GPC5: variants seen among roughly 807,000 people sequenced by gnomAD.
The protein encoded by GPC5 is glypican 5.
GPC5 carries 47 observed loss-of-function variants against 53.9 expected under a neutral mutation model. The ratio of observed to expected loss-of-function variants is 0.87; its 90% CI spans 0.69 to 1.11. GPC5 has a LOEUF of 1.11. GPC5 is among the 50% of genes most tolerant of loss of function. The pLI is 0.00. For synonymous variants in GPC5, 286 were observed against 263.3 expected, an observed-to-expected ratio of 1.09 and a Z score of -0.84; for missense variants, 748 against 713.1, an observed-to-expected ratio of 1.05 and a Z score of -0.56.
rs7322435 is a variant in GPC5, at chr13:91,445,537, C to T, written c.164-3224C>T. ...TCCCCCAGACTCGAGGGCAGTGGCA[C>T]GATCTCGGCTCACAGCAACCTTCAT... On this transcript the variant is annotated intron_variant, in intron 1 of 7. Coordinates refer to ENST00000377067, the MANE Select transcript of GPC5 (RefSeq NM_004466.6). 9.9e-3 allele frequency among the ~76,000 whole-genome samples: 1,505 copies of T among 152,310 alleles called. 28 individuals carry two copies. The highest frequency in any genetic ancestry group is 0.034 in the African/African-American group (1,393 of 41,570).
At chr13:91,868,738 A>G (rs2039111444) in intron 5 of GPC5, among the ~76,000 whole-genome samples, 1 of 152,198 alleles carries the variant, frequency 6.6e-6, no homozygotes, top group South Asian at 2.1e-4. Context: ...TTTAGCTGAA[A>G]AAGAACACAA....
intron 7 of GPC5, among the ~76,000 whole-genome samples, chr13:92,575,753 C>T (rs1248650886): frequency 1.3e-5 from 2 of 152,202 alleles, no homozygotes; most frequent in South Asian, 2.1e-4. Context: ...AGAAGTGAAC[C>T]GGTTTCAGTC....
At chr13:92,771,814 G>A (rs578219230) in intron 7 of GPC5, among the ~76,000 whole-genome samples, 1 of 152,056 alleles carries the variant, frequency 6.6e-6, no homozygotes, top group African/African-American at 2.4e-5. Flanking sequence ...TAAATTTATA[G>A]CTCCAGCTTC....
At position 91,921,515 on chromosome 13, in the gene GPC5, A is replaced by G. The variant is rs538743302; in HGVS notation, c.1401+13458A>G. ...GAAAGATGTGACAGATACAAGAAAA[A>G]CTATGCAAATGGATAGATACTATGA... is the stretch of plus-strand genomic sequence containing the variant. On this transcript the variant is annotated intron_variant, in intron 6 of 7. Transcript: ENST00000377067. Among the ~76,000 whole-genome samples the G allele has an allele frequency of 7.2e-5, 11 of 152,304 alleles. No individual in the cohort carries two copies. In the East Asian group the frequency reaches 1.9e-3, roughly 27 times the overall value.
At chr13:91,449,596 T>A (rs1881047407) in intron 2 of GPC5, among the ~76,000 whole-genome samples, 1 of 152,082 alleles carries the variant, frequency 6.6e-6, no homozygotes, top group South Asian at 2.1e-4. Context: ...ATGGTTTTCA[T>A]AAGAACACCA....
At chr13:92,177,986 C>T (rs2042120498) in intron 7 of GPC5, among the ~76,000 whole-genome samples, 1 of 152,172 alleles carries the variant, frequency 6.6e-6, no homozygotes, top group Non-Finnish European at 1.5e-5. Flanking sequence ...AAAGTTCAAA[C>T]CACCAATAAA....
chr13:92,271,572 A>G (rs10492501), intron 7 of GPC5, among the ~76,000 whole-genome samples: 6,920 of 152,310 alleles, frequency 0.045, 176 homozygotes, highest in East Asian at 0.065. Flanking sequence ...TGAAATAAAA[A>G]GAGAAAGTTA....
intron 6 of GPC5, among the ~76,000 whole-genome samples, chr13:92,126,155 G>A (rs1374066712): frequency 7.9e-5 from 12 of 151,574 alleles, no homozygotes; most frequent in East Asian, 1.9e-4. Context: ...GGGTTTTGCC[G>A]TGTTGGTCAG....
intron 7 of GPC5, among the ~76,000 whole-genome samples, chr13:92,523,460 T>C (rs559066218): frequency 2.6e-5 from 4 of 152,248 alleles, no homozygotes; most frequent in African/African-American, 4.8e-5. Flanking sequence ...TTTTAATGAA[T>C]ATTTAGAAAC....
At chr13:92,201,857 T>A (rs1199224395) in intron 7 of GPC5, among the ~76,000 whole-genome samples, 1 of 152,146 alleles carries the variant, frequency 6.6e-6, no homozygotes, top group African/African-American at 2.4e-5. Context: ...ATTGATGGAG[T>A]CTTTGATGTC....
At chr13:91,710,454 T>C (rs901077014) in intron 3 of GPC5, among the ~76,000 whole-genome samples, 1 of 152,208 alleles carries the variant, frequency 6.6e-6, no homozygotes, top group African/African-American at 2.4e-5. Flanking sequence ...TTAAGTCCTG[T>C]CAAAAATCCT....
chr13:92,395,323 ACTC>A (rs533354867), intron 7 of GPC5, among the ~76,000 whole-genome samples: 6 of 152,144 alleles, frequency 3.9e-5, no homozygotes, highest in Non-Finnish European at 8.8e-5. Flanking sequence ...AACTAATTTA[ACTC>A]CACCTTCAAA....
At chr13:92,558,085 T>C (rs1429787732) in intron 7 of GPC5, among the ~76,000 whole-genome samples, 1 of 151,844 alleles carries the variant, frequency 6.6e-6, no homozygotes, top group Non-Finnish European at 1.5e-5. Context: ...ATAAAACAGG[T>C]AACTGGAAAA....
chr13:92,293,206 G>A (rs2043009682), intron 7 of GPC5, among the ~76,000 whole-genome samples: 1 of 151,998 alleles, frequency 6.6e-6, no homozygotes, highest in South Asian at 2.1e-4. Context: ...CTTGAAGAAT[G>A]TTGGTGGTAT....
At chr13:91,749,026 T>C (rs2037112920) in intron 4 of GPC5, among the ~76,000 whole-genome samples, 2 of 152,054 alleles carry the variant, frequency 1.3e-5, no homozygotes. Context: ...GACATTTTAT[T>C]GTTTCTTATT....
chr13:92,052,503 G>C (rs2041038732), intron 6 of GPC5, among the ~76,000 whole-genome samples: 1 of 152,182 alleles, frequency 6.6e-6, no homozygotes, highest in Non-Finnish European at 1.5e-5. Flanking sequence ...CCCATGTCCT[G>C]CTGGTTGGTC....
At chr13:92,590,089 T>G (rs1883667204) in intron 7 of GPC5, among the ~76,000 whole-genome samples, 2 of 152,146 alleles carry the variant, frequency 1.3e-5, no homozygotes, top group South Asian at 4.1e-4. Flanking sequence ...ATCCAGCTCC[T>G]TGCAATACTT....
At chr13:91,806,422 T>G (rs2038222927) in intron 5 of GPC5, among the ~76,000 whole-genome samples, 2 of 133,124 alleles carry the variant, frequency 1.5e-5, no homozygotes, top group African/African-American at 5.4e-5. Context: ...TTACTTGGTT[T>G]AATTAATTTA....
chr13:92,757,013 C>T lies in GPC5; in HGVS notation c.1562-109269C>T, dbSNP rs987586428. On this transcript the variant is annotated intron_variant, in intron 7 of 7. Transcript: ENST00000377067. ...GTTCATATGGAACCAAAAAAGAGCCCGCATTGCCAAGTCAATCCTAAGCCA... is the reference window on the plus strand; with the variant it reads ...GTTCATATGGAACCAAAAAAGAGCCTGCATTGCCAAGTCAATCCTAAGCCA... 4.3e-3 allele frequency among the ~76,000 whole-genome samples: 651 copies of T among 151,796 alleles called. 1 individual carries two copies. Among genetic ancestry groups the T allele is most frequent in the Non-Finnish European group, 6.1e-3 (414 of 67,832 alleles).
Sources: allele counts gnomAD v4.1 joint callset (sites outside exome capture counted in the v4.1 genomes callset), GRCh38; gene constraint gnomAD v4.1.1; transcripts MANE v1.5; gene names NCBI Gene and HGNC (gene_info 2026-07-23, HGNC 2026-07-21).